The following HEG1 variants were observed in gnomAD, a reference collection of about 807,000 sequenced individuals.
HEG1 encodes protein HEG homolog 1.
HEG1 carries 56 observed loss-of-function variants against 125.6 expected under a neutral mutation model. The observed-to-expected ratio is 0.45, with a 90% confidence interval of 0.36 to 0.56. HEG1 has a LOEUF of 0.56. Among genes scored for constraint, HEG1 ranks in the 20% least tolerant of loss-of-function variants. The pLI is 0.00. For missense variants in HEG1, 1,523 were observed against 1,670.0 expected (o/e 0.91, Z 1.53); for synonymous variants, 644 against 668.5 (o/e 0.96, Z 0.57).
chr3:125,009,517 T>A, intron 8 of HEG1, 188 bp downstream of exon 8: 1 of 457,496 alleles, frequency 2.2e-6, no homozygotes, highest in South Asian at 4.1e-5. Context: ...ATCAAAAACA[T>A]AATGCAAAGT....
At chr3:125,029,519 G>A (rs1937467261) in intron 1 of HEG1, 31 bp from the exon 2 acceptor site, 1 of 1,571,474 alleles carries the variant, frequency 6.4e-7, no homozygotes, top group East Asian at 2.3e-5. Context: ...ATCAGGGAGA[G>A]TTTGCTGGCT....
intron 14 of HEG1, among the ~76,000 whole-genome samples, chr3:124,987,642 T>A (rs1008061315): frequency 6.7e-6 from 1 of 149,778 alleles, no homozygotes; most frequent in Non-Finnish European, 1.5e-5. Flanking sequence ...TGCCTCAGCC[T>A]CCTGAGTAGC....
chr3:125,021,490 T>A (rs774272036), intron 3 of HEG1, among the ~76,000 whole-genome samples: 1 of 152,266 alleles, frequency 6.6e-6, no homozygotes, highest in African/African-American at 2.4e-5. Context: ...GTTTTTGTTA[T>A]TTTGTTCTGC....
rs1361981217 is a variant in HEG1, at chr3:125,029,409, G to A, written c.396C>T (p.Asp132=). Residue 132 remains aspartate, a synonymous_variant, in exon 2 of 17, where the codon GAC becomes GAT. Transcript: ENST00000311127. Reference sequence around the variant, plus strand: ...CCTCTTTGGAGGACACTGTTGAAAAGTCCTCTTGATTCTGATAGAAGGTGA... The same window carrying A: ...CCTCTTTGGAGGACACTGTTGAAAAATCCTCTTGATTCTGATAGAAGGTGA... The part of the protein sequence containing the change: ...ENITFYQNQE[D]FSTVSSKEGV... 1 of 1,609,950 alleles carries A rather than the reference G, an allele frequency of 6.2e-7. No homozygotes were observed. Among genetic ancestry groups the A allele is most frequent in the Non-Finnish European group, 8.5e-7 (1 of 1,179,860 alleles).
At chr3:124,976,878 C>T (rs1017972867) in intron 15 of HEG1, among the ~76,000 whole-genome samples, 2 of 152,196 alleles carry the variant, frequency 1.3e-5, no homozygotes, top group African/African-American at 2.4e-5. Flanking sequence ...TCACCAGATA[C>T]AGACGCCCAA....
intron 5 of HEG1, among the ~76,000 whole-genome samples, chr3:125,016,382 A>T (rs1937247097): frequency 6.6e-6 from 1 of 152,200 alleles, no homozygotes; most frequent in Non-Finnish European, 1.5e-5. Flanking sequence ...CTCTTTATAA[A>T]TGAACTCCAA....
intron 15 of HEG1, among the ~76,000 whole-genome samples, chr3:124,974,222 G>T (rs897519722): frequency 5.3e-5 from 8 of 152,062 alleles, no homozygotes; most frequent in African/African-American, 1.9e-4. Flanking sequence ...GTGTCTTGGG[G>T]GTGGCCAGGA....
chr3:125,044,897 T>G (rs1937638359), intron 1 of HEG1, among the ~76,000 whole-genome samples: 1 of 152,110 alleles, frequency 6.6e-6, no homozygotes, highest in Admixed American at 6.5e-5. Flanking sequence ...CATCTTGATG[T>G]CCTATGTAAC....
intron 9 of HEG1, 86 bp from the exon 10 acceptor site, chr3:125,002,401 C>T: frequency 8.2e-7 from 1 of 1,212,134 alleles, no homozygotes. Flanking sequence ...CAGGATAAAA[C>T]AGGCATTTTC....
chr3:124,983,671 T>C (rs1276331377), intron 14 of HEG1, among the ~76,000 whole-genome samples: 1 of 152,060 alleles, frequency 6.6e-6, no homozygotes, highest in Non-Finnish European at 1.5e-5. Context: ...TCCTCCTCCA[T>C]CTCTGTTCAC....
chr3:125,029,611 C>T, intron 1 of HEG1, 123 bp from the exon 2 acceptor site: 2 of 949,860 alleles, frequency 2.1e-6, no homozygotes, highest in Non-Finnish European at 3.1e-6. Context: ...GAATTTTGGC[C>T]AGGCATGATG....
Position 125,020,944 on chromosome 3 carries a change from G to T in HEG1, c.1100C>A (p.Thr367Lys), listed in dbSNP as rs369891925. 2.3e-5 allele frequency: 37 copies of T among 1,613,828 alleles called. No individual in the cohort carries two copies. In the African/African-American group the frequency reaches 4.5e-4, roughly 20 times the overall value. Residue 367 changes from threonine to lysine, a missense_variant, in exon 4 of 17, where the codon ACG (threonine) becomes AAG (lysine). Physicochemically the swap from Thr to Lys is moderately conservative, Grantham distance 78. Transcript: ENST00000311127. ...TGAAAGAAGGACTGAGGATGAAGTC[G>T]TGGCAATTCTGGAGTCCTTGGGGAA... is the stretch of plus-strand genomic sequence containing the variant. ...EGFPKDSRIA[T>K]TSSSVLLSPS...
At chr3:125,003,519 G>A (rs1370175841) in intron 9 of HEG1, among the ~76,000 whole-genome samples, 2 of 152,214 alleles carry the variant, frequency 1.3e-5, no homozygotes, top group East Asian at 3.8e-4. Context: ...TGGATCCTGG[G>A]AGGCCATCTC....
At chr3:124,979,951 C>T (rs747488890) in intron 14 of HEG1, among the ~76,000 whole-genome samples, 2 of 152,112 alleles carry the variant, frequency 1.3e-5, no homozygotes, top group Non-Finnish European at 2.9e-5. Flanking sequence ...AGAAACCTGG[C>T]TATTACGTAA....
At chr3:124,996,846 C>A (rs1294428452) in intron 12 of HEG1, among the ~76,000 whole-genome samples, 3 of 152,138 alleles carry the variant, frequency 2.0e-5, no homozygotes, top group African/African-American at 7.2e-5. Flanking sequence ...CCATGATGGC[C>A]TTTATATCGT....
chr3:125,042,166 G>A (rs1937598582), intron 1 of HEG1, among the ~76,000 whole-genome samples: 1 of 152,232 alleles, frequency 6.6e-6, no homozygotes, highest in South Asian at 2.1e-4. Flanking sequence ...AGTGGCTCAT[G>A]CCTGTAATCC....
intron 1 of HEG1, among the ~76,000 whole-genome samples, chr3:125,044,908 TCA>T (rs376635885): frequency 3.4e-4 from 51 of 152,120 alleles, no homozygotes; most frequent in African/African-American, 1.2e-3. Flanking sequence ...CCTATGTAAC[TCA>T]CTGTCCAAAT....
chr3:125,046,724 C>T (rs1043841851), intron 1 of HEG1, among the ~76,000 whole-genome samples: 2 of 152,214 alleles, frequency 1.3e-5, no homozygotes, highest in Non-Finnish European at 2.9e-5. Context: ...GATAGAGATC[C>T]GCAACCCCAT....
At chr3:125,034,018 G>A (rs1005535090) in intron 1 of HEG1, among the ~76,000 whole-genome samples, 8 of 150,222 alleles carry the variant, frequency 5.3e-5, no homozygotes, top group Admixed American at 4.0e-4. Context: ...AGTCCCTGGT[G>A]CCAAAAAGGT....
Sources: allele counts gnomAD v4.1 joint callset (sites outside exome capture counted in the v4.1 genomes callset), GRCh38; gene constraint gnomAD v4.1.1; transcripts MANE v1.5; gene names NCBI Gene and HGNC (gene_info 2026-07-23, HGNC 2026-07-21).